The following MMP16 variants were observed in gnomAD, a reference collection of about 807,000 sequenced individuals.
The protein encoded by MMP16 is matrix metalloproteinase-16.
In MMP16, 12 loss-of-function variants were observed where a neutral mutation model predicts 67.8. That is an observed-to-expected ratio of 0.18 (90% CI 0.11 to 0.29). The LOEUF (loss-of-function observed/expected upper bound fraction) is 0.29. Ranked by LOEUF, MMP16 falls within the 10% of genes least tolerant of loss-of-function variation. The pLI is 1.00. For missense variants in MMP16, 475 were observed against 765.7 expected (o/e 0.62, Z 4.48); for synonymous variants, 249 against 255.9 (o/e 0.97, Z 0.26).
chr8:88,172,422 A>C (rs1808818718), intron 3 of MMP16, among the ~76,000 whole-genome samples: 1 of 152,212 alleles, frequency 6.6e-6, no homozygotes, highest in African/African-American at 2.4e-5. Context: ...AGAGTTTAGA[A>C]ACTTTTATGC....
chr8:88,154,589 T>C lies in MMP16; in HGVS notation c.709+13080A>G, dbSNP rs1294688793. Among the ~76,000 whole-genome samples the C allele has an allele frequency of 2.0e-5, 3 of 151,294 alleles. No homozygotes were observed. The South Asian group carries it at 6.3e-4, about 32-fold the overall frequency. ...GTAGGGACATGGATGAAATTGGAAA[T>C]CATCATTCTCAGTTAACTATCGCAA... On this transcript the variant is annotated intron_variant, in intron 4 of 9. Coordinates refer to ENST00000286614, the MANE Select transcript of MMP16 (RefSeq NM_005941.5).
At chr8:88,248,770 G>A (rs533335123) in intron 1 of MMP16, among the ~76,000 whole-genome samples, 86 of 148,214 alleles carry the variant, frequency 5.8e-4, no homozygotes, top group African/African-American at 2.0e-3. Context: ...AATCTCACTG[G>A]CAGGTTGTAT....
chr8:88,189,821 C>A (rs1034103846), intron 2 of MMP16, among the ~76,000 whole-genome samples: 1 of 152,172 alleles, frequency 6.6e-6, no homozygotes, highest in Non-Finnish European at 1.5e-5. Flanking sequence ...CACCCCAATG[C>A]AGCATGTCTT....
chr8:88,109,146 G>A (rs1256334272), intron 6 of MMP16, among the ~76,000 whole-genome samples: 1 of 151,256 alleles, frequency 6.6e-6, no homozygotes, highest in Non-Finnish European at 1.5e-5. Flanking sequence ...GGTTCTTCTA[G>A]TTAAGTGTAA....
intron 1 of MMP16, among the ~76,000 whole-genome samples, chr8:88,200,123 T>A (rs1563560345): frequency 1.3e-5 from 2 of 151,928 alleles, no homozygotes. Context: ...GTCTTTGGGA[T>A]AGGGCAATAT....
chr8:88,063,823 T>A (rs184410144), intron 7 of MMP16, among the ~76,000 whole-genome samples: 2 of 152,188 alleles, frequency 1.3e-5, no homozygotes, highest in African/African-American at 4.8e-5. Context: ...CCCTGCTTCT[T>A]CCCTCCTTTA....
chr8:88,160,842 A>G (rs1448706224), intron 4 of MMP16, among the ~76,000 whole-genome samples: 1 of 152,124 alleles, frequency 6.6e-6, no homozygotes, highest in Admixed American at 6.6e-5. Flanking sequence ...ACGTATGTTT[A>G]TTACGTTTAT....
At chr8:88,255,190 G>A (rs1810282819) in intron 1 of MMP16, among the ~76,000 whole-genome samples, 1 of 152,060 alleles carries the variant, frequency 6.6e-6, no homozygotes, top group African/African-American at 2.4e-5. Context: ...GGTAATGAGT[G>A]AGTTCTTGCT....
intron 4 of MMP16, among the ~76,000 whole-genome samples, chr8:88,145,029 G>A (rs942505379): frequency 4.6e-5 from 7 of 151,966 alleles, no homozygotes; most frequent in African/African-American, 1.2e-4. Flanking sequence ...AATAAAACCC[G>A]CAATTGCCTG....
chr8:88,154,744 C>G (rs1053232711), intron 4 of MMP16, among the ~76,000 whole-genome samples: 6 of 148,064 alleles, frequency 4.1e-5, no homozygotes, highest in African/African-American at 1.5e-4. Context: ...GGAGGGATAG[C>G]ATTGGGAGAT....
intron 1 of MMP16, among the ~76,000 whole-genome samples, chr8:88,263,438 G>A (rs1810422447): frequency 2.6e-5 from 4 of 152,078 alleles, no homozygotes; most frequent in South Asian, 2.1e-4. Flanking sequence ...CCACCCATCC[G>A]ACACATGAGT....
intron 1 of MMP16, among the ~76,000 whole-genome samples, chr8:88,272,708 T>C (rs1019574583): frequency 3.9e-5 from 6 of 152,142 alleles, no homozygotes; most frequent in African/African-American, 1.4e-4. Flanking sequence ...GAAACCTATG[T>C]TGAAAAGGTT....
chr8:88,118,622 C>G, intron 5 of MMP16, 78 bp downstream of exon 5: 1 of 1,294,998 alleles, frequency 7.7e-7, no homozygotes, highest in Non-Finnish European at 1.1e-6. Context: ...CTTAGAGCAT[C>G]TATCTCAAAG....
intron 1 of MMP16, among the ~76,000 whole-genome samples, chr8:88,253,469 G>A (rs1356105248): frequency 6.6e-6 from 1 of 152,056 alleles, no homozygotes; most frequent in African/African-American, 2.4e-5. Context: ...TCGATATGCT[G>A]TGATGAAAAT....
chr8:88,063,168 T>C (rs900702622), intron 7 of MMP16, among the ~76,000 whole-genome samples: 1 of 152,146 alleles, frequency 6.6e-6, no homozygotes, highest in Non-Finnish European at 1.5e-5. Context: ...GAGGACTTTA[T>C]AGATCATCTA....
intron 6 of MMP16, among the ~76,000 whole-genome samples, chr8:88,078,310 A>G (rs1003973480): frequency 6.6e-6 from 1 of 152,200 alleles, no homozygotes; most frequent in Non-Finnish European, 1.5e-5. Context: ...TTACATGTAG[A>G]TTTATTTTCC....
At chr8:88,209,625 G>GTATGTATTCTACTCTCTC (rs1455281857) in intron 1 of MMP16, among the ~76,000 whole-genome samples, 1 of 6,998 alleles carries the variant, frequency 1.4e-4, no homozygotes, top group African/African-American at 3.5e-4. Context: ...GTATTTGACT[G>GTATGTATTCTACTCTCTC]TATGTATTCT....
chr8:88,103,550 GTAA>G (rs1809181619), intron 6 of MMP16, among the ~76,000 whole-genome samples: 1 of 151,800 alleles, frequency 6.6e-6, no homozygotes, highest in African/African-American at 2.4e-5. Flanking sequence ...AATAGTAGTA[GTAA>G]TAATAACACA....
chr8:88,108,018 A>G (rs944773967), intron 6 of MMP16, among the ~76,000 whole-genome samples: 1 of 151,138 alleles, frequency 6.6e-6, no homozygotes, highest in Non-Finnish European at 1.5e-5. Flanking sequence ...TTATTATTCC[A>G]ATATATGTGG....
Sources: allele counts gnomAD v4.1 joint callset (sites outside exome capture counted in the v4.1 genomes callset), GRCh38; gene constraint gnomAD v4.1.1; transcripts MANE v1.5; gene names NCBI Gene and HGNC (gene_info 2026-07-23, HGNC 2026-07-21).